MGST1: variants seen among roughly 807,000 people sequenced by gnomAD.
MGST1 encodes the protein glutathione S-transferase 12.
A neutral mutation model predicts 8.9 loss-of-function variants in MGST1; 5 were observed. The observed-to-expected ratio is 0.56, with a 90% confidence interval of 0.29 to 1.19. The LOEUF (loss-of-function observed/expected upper bound fraction) is 1.19, where lower values mean the gene tolerates loss of function less well. Ranked by LOEUF, MGST1 falls within the 50% of genes most tolerant of loss-of-function variation. The pLI, the probability that MGST1 is intolerant of heterozygous loss-of-function variation, is 0.08. For missense variants in MGST1, 182 were observed against 187.4 expected, an observed-to-expected ratio of 0.97 and a Z score of 0.17; for synonymous variants, 54 against 67.8, an observed-to-expected ratio of 0.80 and a Z score of 1.00.
At chr12:16,534,039 G>T (rs1401944148) in intron 4 of MGST1, among the ~76,000 whole-genome samples, 1 of 152,160 alleles carries the variant, frequency 6.6e-6, no homozygotes. Flanking sequence ...GTCTGGAAAG[G>T]TAGATGAAGC....
rs942151366 is a variant in MGST1, at chr12:16,463,146, C to G, written n.482+79542C>G. On this transcript the variant is annotated intron_variant and non_coding_transcript_variant, in intron 4 of 4. Coordinates refer to the MGST1 transcript ENST00000538857. Reference sequence around the variant, plus strand: ...AAAGGAAAGGCAGAAAATTAAGAGACTAATACTGCTTACCTCTCCCCTTAC... The same window carrying G: ...AAAGGAAAGGCAGAAAATTAAGAGAGTAATACTGCTTACCTCTCCCCTTAC... 3.9e-4 allele frequency among the ~76,000 whole-genome samples: 60 copies of G among 152,184 alleles called. 2 individuals are homozygous for G. Among genetic ancestry groups the G allele is most frequent in the African/African-American group, 1.4e-3 (57 of 41,546 alleles).
intron 4 of MGST1, among the ~76,000 whole-genome samples, chr12:16,575,596 A>T (rs1252769326): frequency 6.6e-6 from 1 of 152,126 alleles, no homozygotes; most frequent in Non-Finnish European, 1.5e-5. Flanking sequence ...TTATTCATCC[A>T]TTTTATGGAT....
Position 16,560,570 on chromosome 12 carries a change from A to C in MGST1, n.483-28958A>C. The C allele has an allele frequency of 1.3e-6, 2 of 1,586,784 alleles. No individual in the cohort carries two copies. Among genetic ancestry groups the C allele is most frequent in the Non-Finnish European group, 1.7e-6 (2 of 1,161,008 alleles). On this transcript the variant is annotated intron_variant and non_coding_transcript_variant, in intron 4 of 4. Transcript: ENST00000538857. The surrounding 1 kb of genome is among the most constrained non-coding windows in gnomAD (Gnocchi z 5.0). ...TAAGAAACATTTTTTTTTTTTTACA[A>C]ACTCTTACAGAGAAATCTGAGATCG... is the stretch of plus-strand genomic sequence containing the variant.
In MGST1 at chr12:16,486,796, G is replaced by A. The variant is rs566589114; in HGVS notation, n.483-102732G>A. On this transcript the variant is annotated intron_variant and non_coding_transcript_variant, in intron 4 of 4. Coordinates refer to the MGST1 transcript ENST00000538857. ...GTCACGTAGCTGAATTACAAGTTTT[G>A]GGACTTCAGCAGGAAAAGGACTGGT... Among the ~76,000 whole-genome samples the A allele has an allele frequency of 3.9e-5, 6 of 152,268 alleles. No individual in the cohort carries two copies. In the South Asian group the frequency reaches 1.2e-3, roughly 32 times the overall value.
intron 4 of MGST1, among the ~76,000 whole-genome samples, chr12:16,538,223 C>A (rs1219165392): frequency 3.3e-5 from 5 of 152,180 alleles, no homozygotes; most frequent in Admixed American, 6.5e-5. Flanking sequence ...CAGCAAGAGT[C>A]ACCTTTGCTC....
intron 4 of MGST1, among the ~76,000 whole-genome samples, chr12:16,580,129 C>T (rs533993650): frequency 9.5e-4 from 144 of 152,208 alleles, no homozygotes; most frequent in African/African-American, 3.2e-3. Context: ...TATACACCTA[C>T]GTTATTTTTA....
chr12:16,582,953 AG>A lies in MGST1; in HGVS notation n.483-6573del, dbSNP rs1341134421. ...TCCCAGCTACTCAGGAGGCTAATGC[AG>A]GAAAATCTCTTGAAGCTGGGAGGCA... On this transcript the variant is annotated intron_variant and non_coding_transcript_variant, in intron 4 of 4. Coordinates refer to the MGST1 transcript ENST00000538857. The surrounding 1 kb of genome is among the most constrained non-coding windows in gnomAD (Gnocchi z 4.1). Among the ~76,000 whole-genome samples the A allele has an allele frequency of 6.6e-6, 1 of 150,932 alleles. No individual in the cohort carries two copies. The highest frequency in any genetic ancestry group is 6.7e-5 in the Admixed American group (1 of 15,012).
At chr12:16,425,777 C>T (rs1286674346) in intron 1 of MGST1, among the ~76,000 whole-genome samples, 2 of 152,188 alleles carry the variant, frequency 1.3e-5, no homozygotes, top group African/African-American at 4.8e-5. Context: ...TTTCCTTTTA[C>T]AGAAATTCAA....
intron 4 of MGST1, among the ~76,000 whole-genome samples, chr12:16,515,206 A>G (rs537908999): frequency 6.6e-6 from 1 of 152,296 alleles, no homozygotes; most frequent in South Asian, 2.1e-4. Flanking sequence ...AAATATGCAG[A>G]TTCCTGTCAT....
exon 4 of MGST1, chr12:16,376,232 T>A: frequency 1.5e-6 from 1 of 670,482 alleles, no homozygotes; most frequent in Admixed American, 3.0e-5. Flanking sequence ...AACCAGTGAA[T>A]AATTGAAGAA....
At chr12:16,383,748 AC>A (rs1483696787) in intron 1 of MGST1, 1 of 152,274 alleles carries the variant, frequency 6.6e-6, no homozygotes, top group Non-Finnish European at 1.5e-5. Flanking sequence ...GGCGTGAGCC[AC>A]CATACCCGGA....
In MGST1 at chr12:16,414,361, T is replaced by C. The variant is rs1383062807; in HGVS notation, n.779-23027T>C. ...TTCCTCCGTATTACCTGATTTCTTT[T>C]TTTTTTTTTTTTTTTAGGCCTCAAG... is the stretch of plus-strand genomic sequence containing the variant. On this transcript the variant is annotated intron_variant and non_coding_transcript_variant, in intron 1 of 1. Transcript: ENST00000359720. 1.8e-4 allele frequency among the ~76,000 whole-genome samples: 27 copies of C among 148,938 alleles called. 1 individual carries two copies. Among genetic ancestry groups the C allele is most frequent in the South Asian group, 6.3e-4 (3 of 4,770 alleles).
chr12:16,448,187 A>C (rs547301244), intron 4 of MGST1, among the ~76,000 whole-genome samples: 1 of 152,054 alleles, frequency 6.6e-6, no homozygotes, highest in East Asian at 1.9e-4. Flanking sequence ...GAAAGAAGAA[A>C]CATAAATATT....
chr12:16,552,123 TTCTG>T (rs1942010916), intron 4 of MGST1, among the ~76,000 whole-genome samples: 1 of 152,074 alleles, frequency 6.6e-6, no homozygotes, highest in Non-Finnish European at 1.5e-5. Context: ...TAAGTGTTCT[TTCTG>T]TATGATTTCC....
At chr12:16,368,477 T>C (rs1591707667), downstream of MGST1, among the ~76,000 whole-genome samples, 1 of 152,184 alleles carries the variant, frequency 6.6e-6, no homozygotes, top group South Asian at 2.1e-4. Context: ...CAGCCTGAAA[T>C]GTCAGCCCTG....
At chr12:16,575,727 CAGA>C (rs1469033084) in intron 4 of MGST1, among the ~76,000 whole-genome samples, 1 of 152,152 alleles carries the variant, frequency 6.6e-6, no homozygotes, top group Admixed American at 6.5e-5. Context: ...AAGAGAACAA[CAGA>C]AGGAGCCTCA....
chr12:16,427,504 ACTTG>A (rs1940900696), intron 1 of MGST1, among the ~76,000 whole-genome samples: 1 of 152,110 alleles, frequency 6.6e-6, no homozygotes, highest in Non-Finnish European at 1.5e-5. Context: ...TGCCTCAGCC[ACTTG>A]AGTAGCTGGG....
At chr12:16,448,816 C>G (rs990658612) in intron 4 of MGST1, among the ~76,000 whole-genome samples, 2 of 151,868 alleles carry the variant, frequency 1.3e-5, no homozygotes, top group African/African-American at 2.4e-5. Flanking sequence ...CAATGCATGA[C>G]TGTGTTAATG....
At chr12:16,556,682 A>T (rs1406336443) in intron 4 of MGST1, among the ~76,000 whole-genome samples, 1 of 152,200 alleles carries the variant, frequency 6.6e-6, no homozygotes, top group Non-Finnish European at 1.5e-5. Flanking sequence ...GAAGTGGGAT[A>T]TGGGTTTCCT....
Sources: allele counts gnomAD v4.1 joint callset (sites outside exome capture counted in the v4.1 genomes callset), GRCh38; gene constraint gnomAD v4.1.1; non-coding constraint Gnocchi (gnomAD v3.1); transcripts MANE v1.5; gene names NCBI Gene and HGNC (gene_info 2026-07-23, HGNC 2026-07-21).